ANKH: variants seen among roughly 807,000 people sequenced by gnomAD.
ANKH encodes the protein ANKH inorganic pyrophosphate transport regulator.
In ANKH, 15 loss-of-function variants were observed where a neutral mutation model predicts 49.0. The ratio of observed to expected loss-of-function variants is 0.31; its 90% confidence interval spans 0.20 to 0.47. ANKH has a LOEUF of 0.47. Ranked by LOEUF, ANKH falls within the 20% of genes least tolerant of loss-of-function variation. ANKH has a pLI of 1.00. For synonymous variants in ANKH, 273 were observed against 260.0 expected (o/e 1.05, Z -0.48); for missense variants, 429 against 652.0 (o/e 0.66, Z 3.72).
intron 1 of ANKH, among the ~76,000 whole-genome samples, chr5:14,769,890 G>A (rs1226462855): frequency 6.6e-6 from 1 of 152,160 alleles, no homozygotes; most frequent in Non-Finnish European, 1.5e-5. Context: ...AGGAAGATGC[G>A]GTTGTAAAAT....
At chr5:14,792,517 C>T (rs957046680) in intron 1 of ANKH, among the ~76,000 whole-genome samples, 1 of 152,056 alleles carries the variant, frequency 6.6e-6, no homozygotes, top group Admixed American at 6.5e-5. Context: ...ATCTCCCTCA[C>T]AGTGGGGAAT....
chr5:14,797,325 G>C, intron 1 of ANKH: 2 of 1,594,714 alleles, frequency 1.3e-6, no homozygotes, highest in East Asian at 4.5e-5. Flanking sequence ...CCTGTCTTCT[G>C]CATCTTCTGG....
At chr5:14,797,970 G>C in intron 1 of ANKH, 1 of 1,565,484 alleles carries the variant, frequency 6.4e-7, no homozygotes, top group Non-Finnish European at 8.8e-7. Flanking sequence ...ACTGGAAGGA[G>C]TCTTTGTTGT....
chr5:14,827,991 T>G (rs932441880), intron 1 of ANKH, among the ~76,000 whole-genome samples: 10 of 152,250 alleles, frequency 6.6e-5, no homozygotes, highest in South Asian at 4.1e-4. Context: ...CGTGGGCACC[T>G]GTTCCGGCAT....
chr5:14,721,270 G>GT (rs1737650522), intron 8 of ANKH, among the ~76,000 whole-genome samples: 1 of 152,194 alleles, frequency 6.6e-6, no homozygotes, highest in East Asian at 1.9e-4. Flanking sequence ...CAGTCACTCT[G>GT]TTTTTTATCT....
chr5:14,853,488 G>A (rs1366021515), intron 1 of ANKH, among the ~76,000 whole-genome samples: 1 of 152,152 alleles, frequency 6.6e-6, no homozygotes, highest in Non-Finnish European at 1.5e-5. Context: ...GAGGTGAGAG[G>A]ATCGCTTGAG....
Position 14,758,594 on chromosome 5 carries a change from A to G in ANKH, c.318T>C (p.Tyr106=), listed in dbSNP as rs2126495301. 2 of 1,601,790 alleles carry G rather than the reference A, an allele frequency of 1.2e-6. 1 individual carries two copies. The highest frequency in any genetic ancestry group is 2.2e-5 in the South Asian group (2 of 90,858). Residue 106 remains tyrosine, a synonymous_variant, in exon 3 of 12, where the codon TAT becomes TAC. Transcript: ENST00000284268. ...IAAVFHTLIA[Y]SDLGYYIINK... ...TGATAATGTAGTATCCTAAATCACT[A>G]TAAGCTGCAAAGTGTCGAAAGGCAT...
At chr5:14,859,686 C>T (rs1441840292) in intron 1 of ANKH, among the ~76,000 whole-genome samples, 1 of 152,176 alleles carries the variant, frequency 6.6e-6, no homozygotes, top group Non-Finnish European at 1.5e-5. Context: ...TGCAAAGGGG[C>T]ACTGTGGATA....
intron 8 of ANKH, among the ~76,000 whole-genome samples, chr5:14,720,913 A>G (rs938459763): frequency 6.6e-6 from 1 of 152,246 alleles, no homozygotes; most frequent in Non-Finnish European, 1.5e-5. Context: ...AGAGAGAAAG[A>G]TGGCGGAAAT....
Position 14,713,521 on chromosome 5 carries a change from C to T in ANKH, c.1265+23G>A, listed in dbSNP as rs766619506. On this transcript the variant is annotated intron_variant, in intron 10 of 11. Coordinates refer to ENST00000284268, the MANE Select transcript of ANKH (RefSeq NM_054027.6). The surrounding 1 kb of genome is among the most constrained non-coding windows in gnomAD (Gnocchi z 4.4). ...ATTGAAGTGGCAGAAGGACCCACAG[C>T]CCCAAACTCCCTGACAACATACCCC... 1 of 1,613,594 alleles carries T rather than the reference C, an allele frequency of 6.2e-7. No individual in the cohort carries two copies. Among genetic ancestry groups the T allele is most frequent in the Admixed American group, 1.7e-5 (1 of 59,942 alleles).
rs925879163 is a variant in ANKH at position 14,871,670 on chromosome 5, C to G, written c.-223G>C. 3 of 159,188 alleles carry G rather than the reference C, an allele frequency of 1.9e-5. No homozygotes were observed. The highest frequency in any genetic ancestry group is 7.3e-5 in the African/African-American group (3 of 41,184). 9.9% of individuals were successfully genotyped at this position (159,188 alleles called of 1,614,324 possible). Reference sequence around the variant, plus strand: ...ATCCGCAAGCTCAAGTCCATCCCTGCTGCCCTCCCACACAACAAAGATCTG... The same window carrying G: ...ATCCGCAAGCTCAAGTCCATCCCTGGTGCCCTCCCACACAACAAAGATCTG... On this transcript the variant is annotated 5_prime_UTR_variant, in exon 1 of 12. Transcript: ENST00000284268.
At position 14,713,828 on chromosome 5, in the gene ANKH, T is replaced by C. The variant is rs548492914; in HGVS notation, c.1142-161A>G. 1.3e-5 allele frequency among the ~76,000 whole-genome samples: 2 copies of C among 152,298 alleles called. No homozygotes were observed. The highest frequency in any genetic ancestry group is 1.9e-4 in the East Asian group (1 of 5,184). On this transcript the variant is annotated intron_variant, in intron 9 of 11. Coordinates refer to ENST00000284268, the MANE Select transcript of ANKH (RefSeq NM_054027.6). The surrounding 1 kb of genome is among the most constrained non-coding windows in gnomAD (Gnocchi z 4.4). The stretch of plus-strand genomic sequence containing the variant: ...CTCATCTTCCTGCCAGGGTTCCCCA[T>C]CCCTGCTCCTGAGCCTAGGCCCGCC...
intron 11 of ANKH, among the ~76,000 whole-genome samples, chr5:14,712,635 T>C (rs147578910): frequency 3.7e-3 from 569 of 152,332 alleles, no homozygotes; most frequent in Middle Eastern, 0.01. Context: ...CACACCTCTC[T>C]CCCCTTTGGC....
At chr5:14,763,044 C>T (rs1739141468) in intron 2 of ANKH, among the ~76,000 whole-genome samples, 2 of 152,218 alleles carry the variant, frequency 1.3e-5, no homozygotes, top group Admixed American at 6.5e-5. Flanking sequence ...TCCACGGGTC[C>T]ACTGACTTCA....
chr5:14,816,836 C>G (rs867368304), intron 1 of ANKH, among the ~76,000 whole-genome samples: 1 of 152,300 alleles, frequency 6.6e-6, no homozygotes, highest in South Asian at 2.1e-4. Flanking sequence ...CAAACAAACT[C>G]TCCCACGGGG....
intron 1 of ANKH, among the ~76,000 whole-genome samples, chr5:14,840,864 A>G (rs1047704497): frequency 1.3e-5 from 2 of 152,224 alleles, no homozygotes; most frequent in African/African-American, 2.4e-5. Flanking sequence ...AAGGGCATCT[A>G]TGGAAAGGGA....
At chr5:14,808,077 T>C (rs1048007115) in intron 1 of ANKH, among the ~76,000 whole-genome samples, 1 of 152,204 alleles carries the variant, frequency 6.6e-6, no homozygotes, top group Non-Finnish European at 1.5e-5. Context: ...CCAATAAAGT[T>C]TTATTAATTT....
Position 14,745,772 on chromosome 5 carries a change from G to T in ANKH, c.915+98C>A. On this transcript the variant is annotated intron_variant, in intron 7 of 11. Transcript: ENST00000284268. This position sits in a 1 kb window ranked among gnomAD's most constrained non-coding sequence, Gnocchi z 4.7. The stretch of plus-strand genomic sequence containing the variant: ...ACATTAACCTTACAAAGGGAAGCAG[G>T]ACTGAGAAGCAACAAAGTGTCCCTC... 9.7e-7 allele frequency: 1 copy of T among 1,034,112 alleles called. No homozygotes were observed. Among genetic ancestry groups the T allele is most frequent in the Non-Finnish European group, 1.5e-6 (1 of 660,874 alleles). The allele number at this position is 1,034,112 out of a possible 1,614,324, so 64.1% of individuals were successfully genotyped here. A position where few individuals can be genotyped will look rare whatever the true frequency, so the allele number is the denominator to read the frequency against.
intron 1 of ANKH, among the ~76,000 whole-genome samples, chr5:14,856,548 C>T (rs1280000617): frequency 6.6e-6 from 1 of 151,918 alleles, no homozygotes; most frequent in East Asian, 2.0e-4. Context: ...CAGCTTGCCC[C>T]ATTGATACTG....
Sources: gnomAD v4.1 joint callset for allele counts (sites outside exome capture counted in the v4.1 genomes callset) on GRCh38, gnomAD v4.1.1 for gene constraint, Gnocchi (gnomAD v3.1) non-coding constraint, MANE v1.5 for transcripts, NCBI Gene and HGNC (gene_info 2026-07-23, HGNC 2026-07-21) for gene names.